Variants in SORCS1 observed in about 807,000 individuals in gnomAD.
The protein encoded by SORCS1 is VPS10 domain-containing receptor SorCS1.
In SORCS1, 60 loss-of-function variants were observed where a neutral mutation model predicts 146.1. That is an observed-to-expected ratio of 0.41 (90% CI 0.33 to 0.51). The LOEUF (loss-of-function observed/expected upper bound fraction) is 0.51. SORCS1 is among the 20% of genes least tolerant of loss of function. SORCS1 has a pLI of 0.21. For synonymous variants in SORCS1, 637 were observed against 584.0 expected (o/e 1.09, Z -1.31); for missense variants, 1,352 against 1,487.6 (o/e 0.91, Z 1.50).
chr10:106,869,841 G>A (rs1001008766), intron 2 of SORCS1, among the ~76,000 whole-genome samples: 1 of 152,070 alleles, frequency 6.6e-6, no homozygotes, highest in Admixed American at 6.6e-5. Flanking sequence ...GTCCTAGCCA[G>A]AGAAATCAGG....
intron 2 of SORCS1, among the ~76,000 whole-genome samples, chr10:106,909,437 A>T (rs1367419742): frequency 1.3e-5 from 2 of 152,176 alleles, no homozygotes; most frequent in Non-Finnish European, 2.9e-5. Context: ...GAGAGGTAGA[A>T]ATGCAGACTC....
At chr10:107,020,687 G>T (rs2133865880) in intron 1 of SORCS1, among the ~76,000 whole-genome samples, 1 of 152,174 alleles carries the variant, frequency 6.6e-6, no homozygotes, top group South Asian at 2.1e-4. Flanking sequence ...TCCTGTTATA[G>T]CTTTCCCTAC....
chr10:106,585,338 CCAGATATTCTCACT>C (rs993444151), intron 24 of SORCS1, among the ~76,000 whole-genome samples: 1 of 152,106 alleles, frequency 6.6e-6, no homozygotes, highest in Non-Finnish European at 1.5e-5. Context: ...ATAGCAGGCC[CCAGATATTCTCACT>C]CATAAAACTT....
At chr10:107,014,696 T>C (rs1277019803) in intron 1 of SORCS1, among the ~76,000 whole-genome samples, 1 of 152,220 alleles carries the variant, frequency 6.6e-6, no homozygotes, top group African/African-American at 2.4e-5. Flanking sequence ...CCCAGCAGTC[T>C]GTGTTTTAAA....
At chr10:107,049,273 G>C (rs1051414552) in intron 1 of SORCS1, among the ~76,000 whole-genome samples, 1 of 108,660 alleles carries the variant, frequency 9.2e-6, no homozygotes, top group African/African-American at 3.6e-5. Flanking sequence ...CTGTTGTGGG[G>C]TGGGGGGAGG....
At chr10:106,610,061 G>A (rs561335367) in intron 22 of SORCS1, among the ~76,000 whole-genome samples, 2 of 152,300 alleles carry the variant, frequency 1.3e-5, no homozygotes, top group East Asian at 3.9e-4. Flanking sequence ...TCCTTTTAGG[G>A]TTGTAGTCTG....
intron 2 of SORCS1, among the ~76,000 whole-genome samples, chr10:106,883,496 G>T (rs1333301635): frequency 6.6e-6 from 1 of 150,530 alleles, no homozygotes; most frequent in South Asian, 2.1e-4. Flanking sequence ...CTCACTGCAA[G>T]CTCCGCCTCC....
intron 2 of SORCS1, among the ~76,000 whole-genome samples, chr10:106,927,682 C>T (rs1222415179): frequency 6.6e-6 from 1 of 152,070 alleles, no homozygotes; most frequent in African/African-American, 2.4e-5. Context: ...AGGTTCTCCA[C>T]GTCCCCACCA....
At position 106,610,703 on chromosome 10, in the gene SORCS1, A is replaced by T. The variant is rs1386648038; in HGVS notation, c.3033+1208T>A. ...TAAGAATATGCCCTGGGAGTGGATA[A>T]CTCACTTCTGATTTTCCGCGTTTGC... On this transcript the variant is annotated intron_variant, in intron 22 of 25. Coordinates refer to ENST00000263054, the MANE Select transcript of SORCS1 (RefSeq NM_052918.5). 2.6e-5 allele frequency among the ~76,000 whole-genome samples: 4 copies of T among 152,092 alleles called. No homozygotes were observed. The East Asian group carries it at 7.7e-4, about 29-fold the overall frequency.
At chr10:106,959,732 C>G (rs1955133545) in intron 1 of SORCS1, among the ~76,000 whole-genome samples, 1 of 152,202 alleles carries the variant, frequency 6.6e-6, no homozygotes, top group Non-Finnish European at 1.5e-5. Flanking sequence ...AGTCTGGTCT[C>G]AACTTCTGGG....
intron 2 of SORCS1, among the ~76,000 whole-genome samples, chr10:106,928,102 C>T (rs1414855670): frequency 6.6e-6 from 1 of 152,250 alleles, no homozygotes; most frequent in East Asian, 1.9e-4. Context: ...GCGCCGTGCA[C>T]CCGCACTCCT....
chr10:106,729,421 C>T (rs1262854813), intron 6 of SORCS1, among the ~76,000 whole-genome samples: 1 of 150,442 alleles, frequency 6.6e-6, no homozygotes, highest in African/African-American at 2.5e-5. Flanking sequence ...CATGGGGACA[C>T]ACAGAAAAAT....
chr10:106,892,012 G>T (rs540111053), intron 2 of SORCS1, among the ~76,000 whole-genome samples: 1 of 152,276 alleles, frequency 6.6e-6, no homozygotes, highest in East Asian at 1.9e-4. Context: ...CACTCCAAAT[G>T]TAACATTCTA....
At chr10:106,612,112 G>A in intron 21 of SORCS1, 89 bp from the exon 22 acceptor site, 2 of 1,009,140 alleles carry the variant, frequency 2.0e-6, no homozygotes, top group Admixed American at 2.2e-5. Context: ...AAAATGGAGG[G>A]TCCTTCCCCT....
At chr10:106,904,689 C>A (rs1589672553) in intron 2 of SORCS1, among the ~76,000 whole-genome samples, 1 of 152,236 alleles carries the variant, frequency 6.6e-6, no homozygotes, top group East Asian at 1.9e-4. Flanking sequence ...CTAAACTATG[C>A]CATGTTTAGA....
At chr10:106,731,964 C>T (rs1013083086) in intron 5 of SORCS1, among the ~76,000 whole-genome samples, 20 of 152,006 alleles carry the variant, frequency 1.3e-4, no homozygotes, top group African/African-American at 4.3e-4. Context: ...TAAAGGTCTG[C>T]GGGTTTTCTG....
At chr10:107,103,029 C>T (rs554248373) in intron 1 of SORCS1, among the ~76,000 whole-genome samples, 14 of 152,278 alleles carry the variant, frequency 9.2e-5, no homozygotes, top group Middle Eastern at 3.4e-3. Context: ...TACCCCCATA[C>T]CTTTCTCCTT....
intron 2 of SORCS1, among the ~76,000 whole-genome samples, chr10:106,893,739 A>T (rs906115567): frequency 2.0e-5 from 3 of 152,228 alleles, no homozygotes. Context: ...GGAAAAAAAT[A>T]GGAGAAAGAG....
intron 5 of SORCS1, among the ~76,000 whole-genome samples, chr10:106,742,434 C>G (rs535692790): frequency 1.3e-3 from 201 of 152,156 alleles, no homozygotes; most frequent in Non-Finnish European, 2.3e-3. Flanking sequence ...GGCTGGAGTA[C>G]AGTGGCACAA....
Sources: allele counts gnomAD v4.1 joint callset (sites outside exome capture counted in the v4.1 genomes callset), GRCh38; gene constraint gnomAD v4.1.1; transcripts MANE v1.5; gene names NCBI Gene and HGNC (gene_info 2026-07-23, HGNC 2026-07-21).